The following DIS3L2 variants were observed in gnomAD, a reference collection of about 807,000 sequenced individuals.
DIS3L2 encodes the protein DIS3-like exonuclease 2.
A neutral mutation model predicts 97.5 loss-of-function variants in DIS3L2; 34 were observed. The ratio of observed to expected loss-of-function variants is 0.35; its 90% CI spans 0.27 to 0.46. The LOEUF (loss-of-function observed/expected upper bound fraction) is 0.46. Ranked by LOEUF, DIS3L2 falls within the 20% of genes least tolerant of loss-of-function variation. The pLI is 1.00. For missense variants in DIS3L2, 1,038 were observed against 1,146.0 expected, an observed-to-expected ratio of 0.91 and a Z score of 1.36; for synonymous variants, 435 against 445.2, an observed-to-expected ratio of 0.98 and a Z score of 0.29.
intron 8 of DIS3L2, among the ~76,000 whole-genome samples, chr2:232,141,957 A>G (rs1690060306): frequency 6.6e-6 from 1 of 152,206 alleles, no homozygotes; most frequent in Non-Finnish European, 1.5e-5. Context: ...GATAGAAAAA[A>G]CAAACAGAAG....
intron 7 of DIS3L2, chr2:232,131,023 T>G (rs1335120679): frequency 3.4e-6 from 1 of 298,374 alleles, no homozygotes; most frequent in Non-Finnish European, 6.1e-6. Context: ...TGAGTTTTGG[T>G]GGAGTGAGAA....
chr2:231,962,244 A>T (rs1301089268), intron 1 of DIS3L2, among the ~76,000 whole-genome samples: 1 of 151,368 alleles, frequency 6.6e-6, no homozygotes, highest in Non-Finnish European at 1.5e-5. Flanking sequence ...CCACAGTGAT[A>T]CACTTTATCT....
rs73996918 is a variant in DIS3L2, at chr2:232,191,988, C to T, written c.1125-18338C>T. Among the ~76,000 whole-genome samples, 958 of 152,284 alleles carry T rather than the reference C, an allele frequency of 6.3e-3. 12 individuals are homozygous for T. Among genetic ancestry groups the T allele is most frequent in the African/African-American group, 0.022 (906 of 41,552 alleles). On this transcript the variant is annotated intron_variant, in intron 9 of 20. Transcript: ENST00000325385. ...GTAGGCACTCACCGAACATCCCTCT[C>T]CTGTCTTCTCTACCCTAGTGTTTGT...
chr2:232,206,338 A>G (rs1307491928), intron 9 of DIS3L2, among the ~76,000 whole-genome samples: 1 of 152,236 alleles, frequency 6.6e-6, no homozygotes, highest in Non-Finnish European at 1.5e-5. Context: ...TTGATCTAAA[A>G]CAGGGGTCAG....
intron 14 of DIS3L2, among the ~76,000 whole-genome samples, chr2:232,300,496 G>GT (rs1243372611): frequency 1.3e-5 from 2 of 152,088 alleles, no homozygotes; most frequent in Non-Finnish European, 2.9e-5. Context: ...CTATACTTAG[G>GT]TTTATGGGTT....
chr2:232,278,656 T>G (rs775023716), intron 13 of DIS3L2, among the ~76,000 whole-genome samples: 1 of 152,214 alleles, frequency 6.6e-6, no homozygotes, highest in South Asian at 2.1e-4. Flanking sequence ...GTCATTCCCT[T>G]TTGTTGCAGA....
intron 5 of DIS3L2, among the ~76,000 whole-genome samples, chr2:232,062,572 G>A (rs950298029): frequency 4.6e-5 from 7 of 152,050 alleles, no homozygotes; most frequent in African/African-American, 1.7e-4. Flanking sequence ...TGTCCTCATC[G>A]TTCTTTGAAC....
chr2:232,294,545 A>G (rs1476010675), intron 13 of DIS3L2, among the ~76,000 whole-genome samples: 1 of 152,044 alleles, frequency 6.6e-6, no homozygotes. Flanking sequence ...CCCTACCCAG[A>G]CCCTTGGCTC....
chr2:232,300,511 T>C (rs1694826811), intron 14 of DIS3L2, among the ~76,000 whole-genome samples: 1 of 152,166 alleles, frequency 6.6e-6, no homozygotes. Context: ...TGGGTTTTGT[T>C]GTGATTATCT....
intron 13 of DIS3L2, among the ~76,000 whole-genome samples, chr2:232,286,002 T>C (rs1346548433): frequency 6.6e-6 from 1 of 152,202 alleles, no homozygotes; most frequent in Non-Finnish European, 1.5e-5. Flanking sequence ...CAGGCCATGA[T>C]AGAAGCAATT....
chr2:232,172,939 G>A (rs545764300), intron 9 of DIS3L2, among the ~76,000 whole-genome samples: 2 of 151,654 alleles, frequency 1.3e-5, no homozygotes, highest in South Asian at 4.1e-4. Flanking sequence ...AATCTACTCA[G>A]ATAGTATCTA....
In DIS3L2 at chr2:232,277,692, A is replaced by G. The variant is rs1694177928; in HGVS notation, c.1659+14252A>G. ...TTTGACTTTGAGATTACAGTCACAC[A>G]TTGCTTAATGACAGGGACACATTCA... On this transcript the variant is annotated intron_variant, in intron 13 of 20. Transcript: ENST00000325385. Among the ~76,000 whole-genome samples, 5 of 152,312 alleles carry G rather than the reference A, an allele frequency of 3.3e-5. No individual in the cohort carries two copies. The South Asian group carries it at 1.0e-3, about 32-fold the overall frequency.
At chr2:232,075,081 G>A (rs1039571668) in intron 5 of DIS3L2, among the ~76,000 whole-genome samples, 2 of 152,186 alleles carry the variant, frequency 1.3e-5, no homozygotes, top group African/African-American at 4.8e-5. Flanking sequence ...CTGTATGGGT[G>A]AGGTTCACTC....
At chr2:232,311,782 G>C (rs1695141703) in intron 14 of DIS3L2, among the ~76,000 whole-genome samples, 1 of 152,136 alleles carries the variant, frequency 6.6e-6, no homozygotes. Flanking sequence ...CATCTTTGCT[G>C]TTGCATCTAT....
chr2:232,263,479 C>T (rs1251271600), intron 13 of DIS3L2, 39 bp downstream of exon 13: 1 of 1,605,346 alleles, frequency 6.2e-7, no homozygotes, highest in South Asian at 1.1e-5. Context: ...ACAGATTTGA[C>T]TCGTGCCTGA....
chr2:232,297,853 C>T (rs777349244), intron 13 of DIS3L2, among the ~76,000 whole-genome samples: 15 of 152,082 alleles, frequency 9.9e-5, no homozygotes, highest in Non-Finnish European at 2.2e-4. Context: ...CAGGTGCGTG[C>T]CACCACACCC....
chr2:231,990,779 T>C (rs1693562271), intron 1 of DIS3L2, among the ~76,000 whole-genome samples: 1 of 152,200 alleles, frequency 6.6e-6, no homozygotes, highest in Non-Finnish European at 1.5e-5. Flanking sequence ...GTAATGATAC[T>C]GTAGATCCAC....
At chr2:232,199,453 C>A (rs550211691) in intron 9 of DIS3L2, among the ~76,000 whole-genome samples, 1 of 152,108 alleles carries the variant, frequency 6.6e-6, no homozygotes, top group Non-Finnish European at 1.5e-5. Context: ...TCTCACCTCC[C>A]CATCCCAGCT....
intron 5 of DIS3L2, among the ~76,000 whole-genome samples, chr2:232,048,083 G>T (rs1007365740): frequency 1.3e-5 from 2 of 152,150 alleles, no homozygotes; most frequent in African/African-American, 4.8e-5. Context: ...TTGTCTAGGA[G>T]TGAAGTTATT....
Sources: allele counts gnomAD v4.1 joint callset (sites outside exome capture counted in the v4.1 genomes callset), GRCh38; gene constraint gnomAD v4.1.1; transcripts MANE v1.5; gene names NCBI Gene and HGNC (gene_info 2026-07-23, HGNC 2026-07-21).